Variants in ADAM22 observed in about 807,000 individuals in gnomAD.
ADAM22 encodes the protein disintegrin and metalloproteinase domain-containing protein 22.
A neutral mutation model predicts 144.6 loss-of-function variants in ADAM22; 65 were observed. The observed-to-expected ratio is 0.45, with a 90% CI of 0.37 to 0.55. ADAM22 has a LOEUF of 0.55. ADAM22 is among the 20% of genes least tolerant of loss of function. The pLI is 0.00. For synonymous variants in ADAM22, 391 were observed against 412.6 expected, an observed-to-expected ratio of 0.95 and a Z score of 0.63; for missense variants, 974 against 1,184.9, an observed-to-expected ratio of 0.82 and a Z score of 2.61.
chr7:88,170,671 G>A lies in ADAM22; in HGVS notation c.2283-873G>A, dbSNP rs559480296. Among the ~76,000 whole-genome samples, 85 of 152,028 alleles carry A rather than the reference G, an allele frequency of 5.6e-4. No individual in the cohort carries two copies. The South Asian group carries it at 0.017, about 31-fold the overall frequency. On this transcript the variant is annotated intron_variant, in intron 25 of 31. Coordinates refer to ENST00000413139, the MANE Select transcript of ADAM22 (RefSeq NM_001324418.2). ...TGTATAATGTGGATGAAATAGACTG[G>A]CAAGTAAAGATGTTACCAATGAAAT...
intron 5 of ADAM22, among the ~76,000 whole-genome samples, chr7:88,110,709 A>G (rs1040770284): frequency 7.4e-6 from 1 of 135,664 alleles, no homozygotes; most frequent in Non-Finnish European, 1.6e-5. Context: ...TCTTTCATTC[A>G]TTCGTTCATT....
intron 2 of ADAM22, among the ~76,000 whole-genome samples, chr7:87,971,086 A>G (rs755426866): frequency 1.3e-5 from 2 of 152,152 alleles, no homozygotes; most frequent in Non-Finnish European, 2.9e-5. Context: ...ATGTTTAACT[A>G]TAACTCTGAG....
At chr7:87,988,885 G>T (rs1789091979) in intron 3 of ADAM22, among the ~76,000 whole-genome samples, 1 of 152,146 alleles carries the variant, frequency 6.6e-6, no homozygotes. Context: ...TCTTAGTCTG[G>T]AGAAGTAGCT....
chr7:88,100,606 T>A (rs1292173020), intron 4 of ADAM22, among the ~76,000 whole-genome samples: 1 of 152,214 alleles, frequency 6.6e-6, no homozygotes, highest in African/African-American at 2.4e-5. Context: ...ATCTTTAACA[T>A]AAAATTTAGC....
Position 88,110,545 on chromosome 7 carries a change from T to C in ADAM22, c.473+2287T>C, listed in dbSNP as rs1244857051. ...ATGATACCTGTTACTAATCCTACTA[T>C]AGTCTTGTAAAGAAGGATTGAAAAA... is the stretch of plus-strand genomic sequence containing the variant. On this transcript the variant is annotated intron_variant, in intron 5 of 31. Coordinates refer to ENST00000413139, the MANE Select transcript of ADAM22 (RefSeq NM_001324418.2). Among the ~76,000 whole-genome samples, 3 of 151,696 alleles carry C rather than the reference T, an allele frequency of 2.0e-5. No homozygotes were observed. In the South Asian group the frequency reaches 6.2e-4, roughly 32 times the overall value.
At chr7:87,952,157 G>A (rs1194200703) in intron 2 of ADAM22, among the ~76,000 whole-genome samples, 3 of 151,810 alleles carry the variant, frequency 2.0e-5, no homozygotes, top group Admixed American at 1.3e-4. Flanking sequence ...TAATTGCCCT[G>A]GCCAGAACTT....
chr7:88,138,919 G>A lies in ADAM22; in HGVS notation c.1220+2888G>A, dbSNP rs1355436319. ...TGGGGAGTTTACTGTCACTGCCAAG[G>A]GTTGGAGAACAGACTGAGCTTCCTC... is the stretch of plus-strand genomic sequence containing the variant. On this transcript the variant is annotated intron_variant, in intron 14 of 31. Transcript: ENST00000413139. 2.6e-5 allele frequency among the ~76,000 whole-genome samples: 4 copies of A among 152,322 alleles called. No homozygotes were observed. In the South Asian group the frequency reaches 8.3e-4, roughly 32 times the overall value.
At chr7:87,989,716 G>C (rs1248446175) in intron 3 of ADAM22, among the ~76,000 whole-genome samples, 1 of 152,202 alleles carries the variant, frequency 6.6e-6, no homozygotes, top group Non-Finnish European at 1.5e-5. Context: ...AGGAGTTTGA[G>C]ACCTGCCTGG....
chr7:88,015,381 C>A (rs180865079), intron 3 of ADAM22, among the ~76,000 whole-genome samples: 6 of 152,272 alleles, frequency 3.9e-5, no homozygotes, highest in Admixed American at 3.9e-4. Context: ...AATAAAGCAA[C>A]TGTGGATTCT....
At chr7:88,112,969 G>A (rs115536684) in intron 5 of ADAM22, among the ~76,000 whole-genome samples, 83 of 152,058 alleles carry the variant, frequency 5.5e-4, no homozygotes, top group African/African-American at 1.9e-3. Context: ...ATTTCCCCCC[G>A]CCTTGGCCTT....
chr7:88,072,624 A>G (rs1382441180), intron 3 of ADAM22, among the ~76,000 whole-genome samples: 1 of 152,204 alleles, frequency 6.6e-6, no homozygotes, highest in African/African-American at 2.4e-5. Flanking sequence ...TCACCACCGT[A>G]CAGCTCAGTT....
chr7:88,130,684 A>C (rs1831537678), intron 10 of ADAM22, among the ~76,000 whole-genome samples: 1 of 152,084 alleles, frequency 6.6e-6, no homozygotes, highest in Non-Finnish European at 1.5e-5. Context: ...ATTCCATCCT[A>C]TGTTTTTCAC....
intron 2 of ADAM22, among the ~76,000 whole-genome samples, chr7:87,947,768 A>C (rs560619299): frequency 6.6e-6 from 1 of 152,268 alleles, no homozygotes; most frequent in South Asian, 2.1e-4. Flanking sequence ...GAAATGATGA[A>C]CTTTGCAGTT....
intron 3 of ADAM22, among the ~76,000 whole-genome samples, chr7:88,035,501 G>C (rs1801314072): frequency 1.3e-5 from 2 of 152,346 alleles, no homozygotes; most frequent in African/African-American, 4.8e-5. Flanking sequence ...TATGTATACA[G>C]TTGGACCTCC....
At chr7:88,135,000 A>G (rs1832657875) in intron 13 of ADAM22, among the ~76,000 whole-genome samples, 1 of 152,108 alleles carries the variant, frequency 6.6e-6, no homozygotes, top group African/African-American at 2.4e-5. Flanking sequence ...CATCATAAAT[A>G]TTATTTTTAT....
At chr7:87,976,397 C>T (rs1851903282) in intron 2 of ADAM22, among the ~76,000 whole-genome samples, 1 of 152,152 alleles carries the variant, frequency 6.6e-6, no homozygotes, top group African/African-American at 2.4e-5. Flanking sequence ...AGACACCAGG[C>T]ATGTGCACTT....
intron 7 of ADAM22, among the ~76,000 whole-genome samples, chr7:88,121,518 G>A (rs1324773717): frequency 1.3e-5 from 2 of 152,174 alleles, no homozygotes; most frequent in African/African-American, 4.8e-5. Flanking sequence ...GTGGCCCACG[G>A]TGTCATGAGT....
At chr7:88,118,074 A>C (rs1828265731) in intron 7 of ADAM22, among the ~76,000 whole-genome samples, 1 of 152,130 alleles carries the variant, frequency 6.6e-6, no homozygotes, top group Admixed American at 6.6e-5. Context: ...GTAGATGAAG[A>C]AACAGAGCTC....
intron 3 of ADAM22, among the ~76,000 whole-genome samples, chr7:88,040,882 C>T (rs544700425): frequency 5.9e-5 from 9 of 152,060 alleles, no homozygotes; most frequent in South Asian, 2.1e-4. Flanking sequence ...CCTTGTGGCT[C>T]GATGACTAAG....
Sources: gnomAD v4.1 joint callset for allele counts (sites outside exome capture counted in the v4.1 genomes callset) on GRCh38, gnomAD v4.1.1 for gene constraint, MANE v1.5 for transcripts, NCBI Gene and HGNC (gene_info 2026-07-23, HGNC 2026-07-21) for gene names.